VDR: variants seen among roughly 807,000 people sequenced by gnomAD.
VDR encodes vitamin D receptor.
Under a neutral mutation model 39.7 loss-of-function variants are expected in VDR, and 19 were observed. The observed-to-expected ratio is 0.48, with a 90% confidence interval of 0.33 to 0.70. VDR has a LOEUF of 0.70. Among genes scored for constraint, VDR ranks in the 30% least tolerant of loss-of-function variants. The pLI is 0.02. For missense variants in VDR, 442 were observed against 570.5 expected, an observed-to-expected ratio of 0.77 and a Z score of 2.29; for synonymous variants, 242 against 215.8, an observed-to-expected ratio of 1.12 and a Z score of -1.07.
intron 1 of VDR, among the ~76,000 whole-genome samples, chr12:47,886,685 G>C (rs1946262061): frequency 6.6e-6 from 1 of 151,890 alleles, no homozygotes. Flanking sequence ...ATAACATTCA[G>C]CTCTGAAAAT....
rs985790659 is a variant in VDR at position 47,843,008 on chromosome 12, C to G, written c.*1738G>C. Reference sequence around the variant, plus strand: ...GTACAGAAGTTTCACAATGTAAGTTCTCCCCCCATAAATATCTCCAAATCA... The same window carrying G: ...GTACAGAAGTTTCACAATGTAAGTTGTCCCCCCATAAATATCTCCAAATCA... On this transcript the variant is annotated 3_prime_UTR_variant, in exon 10 of 10. Coordinates refer to ENST00000549336, the MANE Select transcript of VDR (RefSeq NM_000376.3). 1.3e-5 allele frequency: 2 copies of G among 152,152 alleles called. No individual in the cohort carries two copies. The highest frequency in any genetic ancestry group is 6.5e-5 in the Admixed American group (1 of 15,272). The allele number at this position is 152,152 out of a possible 1,614,324, so 9.4% of individuals were successfully genotyped here.
chr12:47,853,956 TTAAATA>T (rs1174301637), intron 7 of VDR, among the ~76,000 whole-genome samples: 1 of 152,084 alleles, frequency 6.6e-6, no homozygotes, highest in African/African-American at 2.4e-5. Flanking sequence ...GCATGAGTAT[TTAAATA>T]TAAGTATTAT....
intron 1 of VDR, among the ~76,000 whole-genome samples, chr12:47,900,859 A>C (rs982515521): frequency 1.3e-5 from 2 of 152,096 alleles, no homozygotes; most frequent in Non-Finnish European, 2.9e-5. Context: ...AGCTGCCCAC[A>C]CCCTGCTTAG....
chr12:47,846,308 T>G, intron 9 of VDR, 27 bp downstream of exon 9: 166 of 1,591,896 alleles, frequency 1.0e-4, no homozygotes, highest in Middle Eastern at 1.7e-4. Flanking sequence ...CCCAGGTCCC[T>G]GAGCTCCTCC....
At chr12:47,851,478 A>C (rs1352381531) in intron 7 of VDR, among the ~76,000 whole-genome samples, 1 of 151,656 alleles carries the variant, frequency 6.6e-6, no homozygotes, top group Non-Finnish European at 1.5e-5. Flanking sequence ...CTGTGCCCCC[A>C]CACACCCACA....
rs1019575153 is a variant in VDR, at chr12:47,841,748, A to G, written c.*2998T>C. On this transcript the variant is annotated 3_prime_UTR_variant, in exon 10 of 10. Transcript: ENST00000549336. ...CTCTAGCTTTCACTAAATCTGCCAC[A>G]CATTCCTGCCTTCTCTGTTGACCTC... 1.3e-5 allele frequency: 2 copies of G among 152,310 alleles called. No individual in the cohort carries two copies. Among genetic ancestry groups the G allele is most frequent in the Non-Finnish European group, 2.9e-5 (2 of 68,042 alleles). The allele number at this position is 152,310 out of a possible 1,614,324, so 9.4% of individuals were successfully genotyped here. A position where few individuals can be genotyped will look rare whatever the true frequency, so the allele number is the denominator to read the frequency against.
At chr12:47,883,683 G>T (rs1026970887) in intron 1 of VDR, among the ~76,000 whole-genome samples, 1 of 152,184 alleles carries the variant, frequency 6.6e-6, no homozygotes, top group Admixed American at 6.5e-5. Context: ...AACAGGAGGT[G>T]ACCCTGGCAA....
intron 1 of VDR, among the ~76,000 whole-genome samples, chr12:47,888,998 T>C (rs1409176687): frequency 6.6e-6 from 1 of 152,150 alleles, no homozygotes; most frequent in Non-Finnish European, 1.5e-5. Flanking sequence ...TGTGTACCCA[T>C]ATTGAAATAT....
In VDR at chr12:47,872,591, C is replaced by T. The variant is rs370838697; in HGVS notation, c.146+6377G>A. Among the ~76,000 whole-genome samples the T allele has an allele frequency of 3.3e-5, 5 of 152,324 alleles. No homozygotes were observed. The East Asian group carries it at 5.8e-4, about 18-fold the overall frequency. Reference sequence around the variant, plus strand: ...GCCCCTGTGCTAGTTACAGCAACCACTGTCCAGTTCTGTTGAGCACCAGCC... The same window carrying T: ...GCCCCTGTGCTAGTTACAGCAACCATTGTCCAGTTCTGTTGAGCACCAGCC... On this transcript the variant is annotated intron_variant, in intron 3 of 9. Transcript: ENST00000549336.
At chr12:47,885,991 C>T (rs1946245824) in intron 1 of VDR, among the ~76,000 whole-genome samples, 2 of 152,314 alleles carry the variant, frequency 1.3e-5, no homozygotes, top group South Asian at 4.1e-4. Context: ...AAAGATGTGG[C>T]CCCTAATCGA....
intron 3 of VDR, among the ~76,000 whole-genome samples, chr12:47,866,423 C>A (rs116886958): frequency 0.015 from 2,355 of 152,300 alleles, 31 homozygotes; most frequent in South Asian, 0.028. Flanking sequence ...ATTGAAATCT[C>A]CAGAGTAGCC....
Position 47,879,077 on chromosome 12 carries a change from G to A in VDR, c.37C>T (p.Pro13Ser), listed in dbSNP as rs761055434. 6.2e-7 allele frequency: 1 copy of A among 1,614,068 alleles called. No homozygotes were observed. Among genetic ancestry groups the A allele is most frequent in the South Asian group, 1.1e-5 (1 of 91,078 alleles). The change falls in exon 3 of 10, where the codon CCT (proline) becomes TCT (serine). Residue 13 changes from proline (P) to serine (S), a missense_variant. Physicochemically the swap from Pro to Ser is moderately conservative, Grantham distance 74. This residue lies in a region of VDR where 141 missense variants were observed against 141.3 expected (regional missense o/e 1.00). Coordinates refer to ENST00000549336, the MANE Select transcript of VDR (RefSeq NM_000376.3). ...AMAASTSLPD[P>S]GDFDRNVPRI... ...GGCACGTTCCGGTCAAAGTCTCCAGGGTCAGGCAGGGAAGTGCTGGCCGCC... is the reference window on the plus strand; with the variant it reads ...GGCACGTTCCGGTCAAAGTCTCCAGAGTCAGGCAGGGAAGTGCTGGCCGCC...
chr12:47,854,125 A>G (rs1426902944), intron 7 of VDR, among the ~76,000 whole-genome samples: 1 of 151,860 alleles, frequency 6.6e-6, no homozygotes, highest in South Asian at 2.1e-4. Flanking sequence ...AATGGTCTTT[A>G]TTTTTTTCTT....
chr12:47,869,653 G>A (rs770646247), intron 3 of VDR, among the ~76,000 whole-genome samples: 13 of 152,194 alleles, frequency 8.5e-5, no homozygotes, highest in Non-Finnish European at 1.6e-4. Context: ...CCAGCACTTT[G>A]GGAGGCTGAG....
rs1945202780 is a variant in VDR, at chr12:47,843,059, G to C, written c.*1687C>G. 6.6e-6 allele frequency: 1 copy of C among 152,110 alleles called. No homozygotes were observed. The highest frequency in any genetic ancestry group is 2.1e-4 in the South Asian group (1 of 4,832). The allele number at this position is 152,110 out of a possible 1,614,324, so 9.4% of individuals were successfully genotyped here. A position where few individuals can be genotyped will look rare whatever the true frequency, so the allele number is the denominator to read the frequency against. On this transcript the variant is annotated 3_prime_UTR_variant, in exon 10 of 10. Coordinates refer to ENST00000549336, the MANE Select transcript of VDR (RefSeq NM_000376.3). The stretch of plus-strand genomic sequence containing the variant: ...GTGGTACCTGCTACCCTGTATATTA[G>C]ACTATAATACAAATGGAGTCTGAGT...
At chr12:47,875,785 A>G (rs1281616693) in intron 3 of VDR, among the ~76,000 whole-genome samples, 2 of 152,218 alleles carry the variant, frequency 1.3e-5, no homozygotes, top group Non-Finnish European at 2.9e-5. Context: ...CAACTGATCA[A>G]CACATAACCT....
At chr12:47,877,627 A>G (rs1462723409) in intron 3 of VDR, among the ~76,000 whole-genome samples, 1 of 152,234 alleles carries the variant, frequency 6.6e-6, no homozygotes, top group African/African-American at 2.4e-5. Context: ...TTCCCCTCTC[A>G]TTAGCACTCA....
chr12:47,864,140 G>A (rs144228574), intron 4 of VDR, among the ~76,000 whole-genome samples: 8 of 152,334 alleles, frequency 5.3e-5, no homozygotes, highest in East Asian at 1.9e-4. Context: ...GCAGACAGGA[G>A]TGAGCAAGAG....
intron 2 of VDR, 71 bp downstream of exon 2, chr12:47,882,623 G>GCCCCGGGGCCCCC: frequency 1.8e-6 from 1 of 543,280 alleles, no homozygotes; most frequent in Non-Finnish European, 3.2e-6. Context: ...ACCTTCTTAT[G>GCCCCGGGGCCCCC]CCCCTCCCCC....
Sources: gnomAD v4.1 joint callset for allele counts (sites outside exome capture counted in the v4.1 genomes callset) on GRCh38, gnomAD v4.1.1 for gene constraint, gnomAD v4.1.1 regional missense constraint, MANE v1.5 for transcripts, NCBI Gene and HGNC (gene_info 2026-07-23, HGNC 2026-07-21) for gene names.